Variants in HSD17B3 observed in about 807,000 individuals in gnomAD.
HSD17B3 encodes hydroxysteroid 17-beta dehydrogenase 3, also known as 17-beta-hydroxysteroid dehydrogenase type 3.
In HSD17B3, 29 loss-of-function variants were observed where a neutral mutation model predicts 41.1. The observed-to-expected ratio is 0.71, with a 90% CI of 0.53 to 0.96. The LOEUF is 0.96. Among genes scored for constraint, HSD17B3 ranks in the 40% least tolerant of loss-of-function variants. The probability of loss-of-function intolerance (pLI) is 0.00; values close to 1 mark genes in which losing one functional copy is unlikely to be tolerated. For synonymous variants in HSD17B3, 126 were observed against 145.6 expected (o/e 0.87, Z 0.97); for missense variants, 323 against 374.6 (o/e 0.86, Z 1.14).
chr9:96,254,530 T>G (rs747475039), intron 3 of HSD17B3, among the ~76,000 whole-genome samples: 2 of 152,256 alleles, frequency 1.3e-5, no homozygotes, highest in Non-Finnish European at 2.9e-5. Flanking sequence ...ATTGACTCTC[T>G]TTCTTATTCA....
chr9:96,265,163 A>G (rs1826007062), intron 2 of HSD17B3, among the ~76,000 whole-genome samples: 1 of 152,198 alleles, frequency 6.6e-6, no homozygotes, highest in African/African-American at 2.4e-5. Context: ...TTGGAAACAG[A>G]GGAGTTGTTG....
At chr9:96,265,021 C>A (rs1476086972) in intron 2 of HSD17B3, among the ~76,000 whole-genome samples, 1 of 152,130 alleles carries the variant, frequency 6.6e-6, no homozygotes, top group Non-Finnish European at 1.5e-5. Flanking sequence ...AAATTAATAT[C>A]ACCCTAGAAT....
chr9:96,242,716 C>T (rs142739613), intron 9 of HSD17B3, among the ~76,000 whole-genome samples: 19 of 152,308 alleles, frequency 1.2e-4, no homozygotes, highest in African/African-American at 4.6e-4. Context: ...TCCCCACCCA[C>T]ATCTCCTCCT....
At chr9:96,235,979 CT>C (rs113139648) in intron 10 of HSD17B3, among the ~76,000 whole-genome samples, 115 of 143,900 alleles carry the variant, frequency 8.0e-4, no homozygotes, top group Middle Eastern at 3.6e-3. Context: ...CTAATTTTTT[CT>C]TTTTTTTTTT....
Position 96,254,911 on chromosome 9 carries a change from A to T in HSD17B3, c.234T>A (p.Ile78=). The T allele has an allele frequency of 6.2e-7, 1 of 1,614,066 alleles. No homozygotes were observed. The highest frequency in any genetic ancestry group is 8.5e-7 in the Non-Finnish European group (1 of 1,179,986). ...LAKRGLNVVL[I]SRTLEKLEAI... ...CCTCTAGTTTTTCCAGCGTCCGGCT[A>T]ATAAGGACAACATTGAGTCCACGTT... The change falls in exon 3 of 11, where the codon ATT becomes ATA. Residue 78 remains isoleucine (I), a synonymous_variant. Coordinates refer to ENST00000375263, the MANE Select transcript of HSD17B3 (RefSeq NM_000197.2).
rs8190542 is a variant in HSD17B3 at position 96,251,195 on chromosome 9, G to A, written c.453+223C>T. The A allele has an allele frequency of 0.028, 16,607 of 591,618 alleles. 403 individuals are homozygous for A. The highest frequency in any genetic ancestry group is 0.095 in the East Asian group (3,414 of 35,960). The allele number at this position is 591,618 out of a possible 1,614,324, so 36.6% of individuals were successfully genotyped here. ...GGACAGGTAAGTTTTGATGTGCAGA[G>A]AAGGAGGAAGATGTCCATATCCTAG... On this transcript the variant is annotated intron_variant, in intron 5 of 10. Transcript: ENST00000375263.
At chr9:96,286,408 G>T in intron 2 of HSD17B3, among the ~76,000 whole-genome samples, 1 of 152,036 alleles carries the variant, frequency 6.6e-6, no homozygotes, top group African/African-American at 2.4e-5. Context: ...ACCATAACTG[G>T]CTGGGCATAG....
At chr9:96,242,005 G>GAAAGAAAGAAAGAA (rs10639457) in intron 9 of HSD17B3, among the ~76,000 whole-genome samples, 9 of 68,550 alleles carry the variant, frequency 1.3e-4, no homozygotes, top group South Asian at 4.5e-4. Flanking sequence ...AAGAAAGAAA[G>GAAAGAAAGAAAGAA]AGAAAGAAAA....
At position 96,250,508 on chromosome 9, in the gene HSD17B3, C is replaced by T. The variant is rs1036060235; in HGVS notation, c.454-722G>A. The T allele has an allele frequency of 5.8e-6, 6 of 1,043,186 alleles. No homozygotes were observed. The African/African-American group carries it at 1.0e-4, about 17-fold the overall frequency. 64.6% of individuals were successfully genotyped at this position (1,043,186 alleles called of 1,614,324 possible). A position where few individuals can be genotyped will look rare whatever the true frequency, so the allele number is the denominator to read the frequency against. ...TACCTGCAGAAGTGGGGAATGGAAG[C>T]ATGAGAGCCTGTTCAGATTGGTGTA... On this transcript the variant is annotated intron_variant, in intron 5 of 10. Coordinates refer to ENST00000375263, the MANE Select transcript of HSD17B3 (RefSeq NM_000197.2).
Position 96,235,548 on chromosome 9 carries a change from G to A in HSD17B3, c.845C>T (p.Pro282Leu), listed in dbSNP as rs144809928. Residue 282 changes from proline to leucine, a missense_variant, in exon 11 of 11, where the codon CCG becomes CTG. By Grantham distance (98) the Pro-to-Leu change is moderately conservative. Transcript: ENST00000375263. ...EILAGFLSLI[P>L]AWAFYSGAFQ... ...GGCACCGCTGTAGAAGGCCCAGGCC[G>A]GGATCAGGCTCAGAAAGCCCGCCTT... is the stretch of plus-strand genomic sequence containing the variant. The A allele has an allele frequency of 2.2e-5, 35 of 1,613,920 alleles. No homozygotes were observed. The highest frequency in any genetic ancestry group is 1.3e-4 in the African/African-American group (10 of 74,944).
intron 2 of HSD17B3, among the ~76,000 whole-genome samples, chr9:96,255,154 T>C (rs1052646688): frequency 2.0e-5 from 3 of 152,104 alleles, no homozygotes; most frequent in Non-Finnish European, 4.4e-5. Flanking sequence ...GCCATCATGA[T>C]AGGAGTTAAC....
At chr9:96,259,062 T>C (rs1825766449) in intron 2 of HSD17B3, among the ~76,000 whole-genome samples, 1 of 152,204 alleles carries the variant, frequency 6.6e-6, no homozygotes. Context: ...TGAGAGACTC[T>C]GGAGAAGATA....
At chr9:96,298,520 C>A in intron 1 of HSD17B3, 58 bp from the exon 2 acceptor site, 1 of 1,456,994 alleles carries the variant, frequency 6.9e-7, no homozygotes, top group South Asian at 1.1e-5. Flanking sequence ...TTCTCTTTCT[C>A]ACTGGCCACG....
At chr9:96,240,384 G>C (rs970878565) in intron 10 of HSD17B3, among the ~76,000 whole-genome samples, 7 of 152,164 alleles carry the variant, frequency 4.6e-5, no homozygotes, top group Non-Finnish European at 7.3e-5. Context: ...AGTGGTTTGT[G>C]CTTGTTTTGT....
chr9:96,257,628 C>A lies in HSD17B3; in HGVS notation c.202-2685G>T, dbSNP rs139502661. On this transcript the variant is annotated intron_variant, in intron 2 of 10. Coordinates refer to ENST00000375263, the MANE Select transcript of HSD17B3 (RefSeq NM_000197.2). ...TATTTCCATAGCAGTCCACGAAGAA[C>A]CACTTCATTCTTTTCTATTGCTCCA... 4.8e-3 allele frequency among the ~76,000 whole-genome samples: 725 copies of A among 152,216 alleles called. 10 individuals are homozygous for A. The highest frequency in any genetic ancestry group is 0.017 in the African/African-American group (701 of 41,520).
chr9:96,290,687 A>G (rs1342992552), intron 2 of HSD17B3, among the ~76,000 whole-genome samples: 8 of 151,860 alleles, frequency 5.3e-5, no homozygotes. Flanking sequence ...TACAAAAATT[A>G]GCCAGGCATG....
intron 10 of HSD17B3, among the ~76,000 whole-genome samples, chr9:96,238,779 G>T (rs1039919490): frequency 2.0e-5 from 3 of 152,220 alleles, no homozygotes; most frequent in Non-Finnish European, 4.4e-5. Flanking sequence ...CTAGGCTGGG[G>T]GCTGAAGGAT....
intron 1 of HSD17B3, among the ~76,000 whole-genome samples, chr9:96,300,250 A>ACACACACACACACACG (rs747577630): frequency 3.3e-5 from 5 of 151,122 alleles, no homozygotes; most frequent in Non-Finnish European, 7.4e-5. Flanking sequence ...ACACACACAC[A>ACACACACACACACACG]CACGCACACA....
chr9:96,241,961 A>AAAAGAACGAAAGAAAGAAAG (rs1836459211), intron 9 of HSD17B3, among the ~76,000 whole-genome samples: 4 of 100,696 alleles, frequency 4.0e-5, no homozygotes, highest in African/African-American at 1.7e-4. Flanking sequence ...AAAGAACAGA[A>AAAAGAACGAAAGAAAGAAAG]AAAGAAAGAA....
Sources: gnomAD v4.1 joint callset for allele counts (sites outside exome capture counted in the v4.1 genomes callset) on GRCh38, gnomAD v4.1.1 for gene constraint, MANE v1.5 for transcripts, NCBI Gene and HGNC (gene_info 2026-07-23, HGNC 2026-07-21) for gene names.